KCNH1: variants seen among roughly 807,000 people sequenced by gnomAD.
KCNH1 encodes the protein potassium voltage-gated channel subfamily H member 1.
Under a neutral mutation model 69.2 loss-of-function variants are expected in KCNH1, and 27 were observed. The observed-to-expected ratio is 0.39, with a 90% CI of 0.29 to 0.54. The LOEUF is 0.54. Among genes scored for constraint, KCNH1 ranks in the 20% least tolerant of loss-of-function variants. The pLI is 0.68. For synonymous variants in KCNH1, 456 were observed against 487.7 expected, an observed-to-expected ratio of 0.93 and a Z score of 0.86; for missense variants, 798 against 1,261.6, an observed-to-expected ratio of 0.63 and a Z score of 5.57.
intron 10 of KCNH1, among the ~76,000 whole-genome samples, chr1:210,746,884 T>C (rs1477426241): frequency 1.3e-5 from 2 of 152,128 alleles, no homozygotes; most frequent in African/African-American, 4.8e-5. Flanking sequence ...CCTTATGCCC[T>C]GGGTAGAGGG....
chr1:210,838,313 C>T (rs911803774), intron 7 of KCNH1, among the ~76,000 whole-genome samples: 3 of 152,028 alleles, frequency 2.0e-5, no homozygotes, highest in African/African-American at 7.3e-5. Context: ...AAAACTGGAC[C>T]CCTTCCTTAC....
At chr1:210,794,053 A>G (rs989780519) in intron 9 of KCNH1, among the ~76,000 whole-genome samples, 2 of 152,206 alleles carry the variant, frequency 1.3e-5, no homozygotes, top group African/African-American at 4.8e-5. Context: ...CAATATAGTT[A>G]TAATACCCAT....
chr1:211,100,657 GTATTTATATATTTATTT>G (rs1397715012), intron 3 of KCNH1, among the ~76,000 whole-genome samples: 10 of 152,156 alleles, frequency 6.6e-5, no homozygotes, highest in Non-Finnish European at 1.5e-4. Context: ...GGCCCCTCAT[GTATTTATATATTTATTT>G]ACTCCATGAG....
At chr1:210,777,293 C>G (rs1683880674) in intron 9 of KCNH1, among the ~76,000 whole-genome samples, 1 of 152,198 alleles carries the variant, frequency 6.6e-6, no homozygotes, top group Non-Finnish European at 1.5e-5. Context: ...AGAATGTGAG[C>G]TGAAAAACAT....
chr1:211,010,618 T>C (rs565901434), intron 6 of KCNH1, among the ~76,000 whole-genome samples: 10 of 152,252 alleles, frequency 6.6e-5, no homozygotes, highest in African/African-American at 2.4e-4. Context: ...CCTAGTCATC[T>C]CTGCCAGGAA....
At chr1:210,743,550 G>C (rs1683084953) in intron 10 of KCNH1, among the ~76,000 whole-genome samples, 1 of 152,308 alleles carries the variant, frequency 6.6e-6, no homozygotes, top group African/African-American at 2.4e-5. Flanking sequence ...CTCGCAAGAA[G>C]CCAGGGTGAC....
intron 1 of KCNH1, among the ~76,000 whole-genome samples, chr1:211,111,719 AC>A (rs1691470535): frequency 3.4e-5 from 1 of 29,666 alleles, no homozygotes; most frequent in Non-Finnish European, 6.8e-5. Context: ...CCCCCACCCC[AC>A]CCAACCCCAG....
At chr1:211,078,208 A>G (rs1387822860) in intron 5 of KCNH1, among the ~76,000 whole-genome samples, 3 of 152,222 alleles carry the variant, frequency 2.0e-5, no homozygotes. Flanking sequence ...TAGACAGATC[A>G]ATGAGACAGA....
chr1:210,925,008 T>C (rs1354112), intron 6 of KCNH1, among the ~76,000 whole-genome samples: 117,439 of 152,128 alleles, frequency 0.77, 46,033 homozygotes, highest in East Asian at 0.91. Flanking sequence ...GAAAAGAGTC[T>C]TTCCCTACAA....
intron 7 of KCNH1, among the ~76,000 whole-genome samples, chr1:210,881,128 G>A (rs538003973): frequency 1.8e-4 from 27 of 151,146 alleles, no homozygotes; most frequent in African/African-American, 6.1e-4. Flanking sequence ...AGCGATTCTC[G>A]TGCCTCAGCT....
At chr1:210,948,294 C>A (rs191231495) in intron 6 of KCNH1, among the ~76,000 whole-genome samples, 5 of 151,312 alleles carry the variant, frequency 3.3e-5, no homozygotes, top group African/African-American at 1.2e-4. Context: ...GTTATGATGA[C>A]TACTATAGAA....
At chr1:210,859,696 G>A in intron 7 of KCNH1, 1 of 1,254,994 alleles carries the variant, frequency 8.0e-7, no homozygotes. Context: ...AAGGATAAAA[G>A]CTGGCAAAAT....
At chr1:210,862,033 T>C in intron 7 of KCNH1, 1 of 781,224 alleles carries the variant, frequency 1.3e-6, no homozygotes, top group Non-Finnish European at 2.4e-6. Context: ...GCAATCTTCT[T>C]CTGGAATAGT....
intron 5 of KCNH1, among the ~76,000 whole-genome samples, chr1:211,076,497 C>T (rs943278999): frequency 1.3e-5 from 2 of 152,224 alleles, no homozygotes; most frequent in East Asian, 3.9e-4. Flanking sequence ...CAAACTCCAA[C>T]AGACCTGCAG....
chr1:210,986,756 T>G (rs565083209), intron 6 of KCNH1, among the ~76,000 whole-genome samples: 1 of 152,230 alleles, frequency 6.6e-6, no homozygotes, highest in Admixed American at 6.5e-5. Flanking sequence ...CTGACAATTA[T>G]GTGTCTTGGA....
At chr1:210,749,899 T>G (rs966903387) in intron 10 of KCNH1, among the ~76,000 whole-genome samples, 6 of 152,088 alleles carry the variant, frequency 3.9e-5, no homozygotes, top group Admixed American at 1.3e-4. Context: ...CACACCACCA[T>G]GCCTGGCTAA....
chr1:210,813,089 G>A (rs1684740614), intron 7 of KCNH1, among the ~76,000 whole-genome samples: 1 of 152,190 alleles, frequency 6.6e-6, no homozygotes, highest in Non-Finnish European at 1.5e-5. Flanking sequence ...TACTGCGCTG[G>A]TACATAGAGA....
rs770814767 is a variant in KCNH1, at chr1:210,919,925, T to A, written c.1177A>T (p.Met393Leu). ...VCVFGLAAHW[M>L]ACIWYSIGDY... ...CCAATGCTGTACCAGATGCAGGCCATCCAGTGTGCAGCCAGCCCAAACACA... is the reference window on the plus strand; with the variant it reads ...CCAATGCTGTACCAGATGCAGGCCAACCAGTGTGCAGCCAGCCCAAACACA... Residue 393 changes from methionine (M) to leucine (L), a missense_variant, in exon 7 of 11, where the codon ATG becomes TTG. Around this residue, in one of 4 missense-constraint regions of KCNH1, gnomAD observed 4 missense variants for 33.5 expected, o/e 0.12. Transcript: ENST00000271751. The surrounding 1 kb of genome is among the most constrained non-coding windows in gnomAD (Gnocchi z 4.2). 31 of 1,614,102 alleles carry A rather than the reference T, an allele frequency of 1.9e-5. No individual in the cohort carries two copies. The highest frequency in any genetic ancestry group is 2.6e-5 in the Non-Finnish European group (31 of 1,179,998).
At chr1:210,959,577 C>T (rs1292446779) in intron 6 of KCNH1, among the ~76,000 whole-genome samples, 1 of 152,196 alleles carries the variant, frequency 6.6e-6, no homozygotes, top group Non-Finnish European at 1.5e-5. Context: ...AGCTTCCCAG[C>T]CACTTTATTT....
Sources: gnomAD v4.1 joint callset for allele counts (sites outside exome capture counted in the v4.1 genomes callset) on GRCh38, gnomAD v4.1.1 for gene constraint, gnomAD v4.1.1 regional missense constraint, Gnocchi (gnomAD v3.1) non-coding constraint, MANE v1.5 for transcripts, NCBI Gene and HGNC (gene_info 2026-07-23, HGNC 2026-07-21) for gene names.